Variants in DNM1L observed in about 807,000 individuals in gnomAD.
The protein encoded by DNM1L is dynamin-1-like protein.
A neutral mutation model predicts 92.8 loss-of-function variants in DNM1L; 33 were observed. That is an observed-to-expected ratio of 0.36 (90% CI 0.27 to 0.48). The LOEUF (loss-of-function observed/expected upper bound fraction) is 0.48. DNM1L is among the 20% of genes least tolerant of loss of function. The pLI is 0.99. For missense variants in DNM1L, 485 were observed against 888.8 expected, an observed-to-expected ratio of 0.55 and a Z score of 5.78; for synonymous variants, 284 against 305.0, an observed-to-expected ratio of 0.93 and a Z score of 0.72.
intron 1 of DNM1L, among the ~76,000 whole-genome samples, chr12:32,689,469 A>C (rs1952147750): frequency 6.6e-6 from 1 of 152,204 alleles, no homozygotes; most frequent in Non-Finnish European, 1.5e-5. Flanking sequence ...GATTACAGGC[A>C]TGAGCCACTG....
At chr12:32,691,249 TG>T (rs149822069) in intron 1 of DNM1L, among the ~76,000 whole-genome samples, 1,663 of 152,238 alleles carry the variant, frequency 0.011, 15 homozygotes, top group Non-Finnish European at 0.018. Context: ...CCAGTAGCCT[TG>T]TTTTTTTTAG....
At position 32,722,564 on chromosome 12, in the gene DNM1L, T is replaced by C; in HGVS notation, c.1010T>C (p.Ile337Thr). The C allele has an allele frequency of 6.2e-7, 1 of 1,613,474 alleles. No individual in the cohort carries two copies. The highest frequency in any genetic ancestry group is 8.5e-7 in the Non-Finnish European group (1 of 1,179,968). ...AAAAGTGCTACTTTACTCCAACTTA[T>C]TACCAAATTTGCCACAGAATATTGT... ...DDKSATLLQLITKFATEYCNT... is the reference protein window; with the variant it reads ...DDKSATLLQLTTKFATEYCNT... Residue 337 changes from isoleucine (I) to threonine (T), a missense_variant, in exon 9 of 20, where the codon ATT becomes ACT. Physicochemically the swap from Ile to Thr is moderately conservative, Grantham distance 89 (BLOSUM62 -1). Transcript: ENST00000549701.
At chr12:32,738,116 A>AT in intron 15 of DNM1L, 148 bp from the exon 16 acceptor site, 1 of 1,095,198 alleles carries the variant, frequency 9.1e-7, no homozygotes, top group Non-Finnish European at 1.3e-6. Context: ...CATAGTTTAT[A>AT]TTGTTGACAT....
intron 1 of DNM1L, among the ~76,000 whole-genome samples, chr12:32,695,254 A>G (rs981674917): frequency 6.6e-6 from 1 of 152,216 alleles, no homozygotes; most frequent in Non-Finnish European, 1.5e-5. Context: ...AGTCAACAGT[A>G]TGAAATGATT....
rs756250819 is a variant in DNM1L, at chr12:32,740,361, A to ATT, written c.1885-45_1885-44dup. 9.3e-6 allele frequency: 15 copies of ATT among 1,609,134 alleles called. No individual in the cohort carries two copies. In the East Asian group the frequency reaches 3.3e-4, roughly 36 times the overall value. On this transcript the variant is annotated intron_variant, in intron 17 of 19. Coordinates refer to ENST00000549701, the MANE Select transcript of DNM1L (RefSeq NM_012062.5). ...ATAACTTTCAGATGTTAAAGCTGCCATTTTAGTGTCACAAAAGTAATATTT... is the reference window on the plus strand; with the variant it reads ...ATAACTTTCAGATGTTAAAGCTGCCATTTTTTAGTGTCACAAAAGTAATATTT...
chr12:32,687,582 A>C (rs921584247), intron 1 of DNM1L, among the ~76,000 whole-genome samples: 4 of 152,048 alleles, frequency 2.6e-5, no homozygotes, highest in Non-Finnish European at 4.4e-5. Flanking sequence ...AGCTGAGACT[A>C]CAGTCACCTG....
intron 6 of DNM1L, among the ~76,000 whole-genome samples, chr12:32,715,127 C>G (rs1953306731): frequency 6.9e-6 from 1 of 144,484 alleles, no homozygotes; most frequent in African/African-American, 2.6e-5. Flanking sequence ...GGGTCTCACT[C>G]TGTTGCCCAG....
At chr12:32,734,533 G>A (rs563647735) in intron 13 of DNM1L, among the ~76,000 whole-genome samples, 4 of 152,324 alleles carry the variant, frequency 2.6e-5, no homozygotes, top group Admixed American at 6.5e-5. Flanking sequence ...GTGGCCAGAC[G>A]TGGTGGCTCA....
intron 6 of DNM1L, among the ~76,000 whole-genome samples, chr12:32,716,979 C>G (rs2137397388): frequency 6.9e-6 from 1 of 144,484 alleles, no homozygotes; most frequent in African/African-American, 2.5e-5. Flanking sequence ...AATGACTACA[C>G]CACTCCCACC....
intron 9 of DNM1L, among the ~76,000 whole-genome samples, chr12:32,723,740 A>G: frequency 6.6e-6 from 1 of 151,848 alleles, no homozygotes. Context: ...TAAAGTTCAG[A>G]AAAAGCTGCA....
intron 2 of DNM1L, chr12:32,706,038 G>T: frequency 2.0e-6 from 1 of 500,228 alleles, no homozygotes. Flanking sequence ...CAAAATGCAA[G>T]CTTTTTTGGT....
rs1341254795 is a variant in DNM1L, at chr12:32,743,881, TAG to T, written c.*474_*475del. The T allele has an allele frequency of 1.2e-5, 2 of 164,466 alleles. No homozygotes were observed. The highest frequency in any genetic ancestry group is 5.7e-5 in the Admixed American group (1 of 17,398). The allele number at this position is 164,466 out of a possible 1,614,324, so 10.2% of individuals were successfully genotyped here. ...GATGTGAGTTGGCAAGTTCCTCACA[TAG>T]AGTCATTGTATTCCACCTGTCCTTC... On this transcript the variant is annotated 3_prime_UTR_variant, in exon 20 of 20. Coordinates refer to ENST00000549701, the MANE Select transcript of DNM1L (RefSeq NM_012062.5).
Position 32,707,393 on chromosome 12 carries a change from T to G in DNM1L, c.277T>G (p.Phe93Val), listed in dbSNP as rs773747516. 6.2e-7 allele frequency: 1 copy of G among 1,606,726 alleles called. No individual in the cohort carries two copies. The highest frequency in any genetic ancestry group is 1.7e-5 in the Admixed American group (1 of 59,100). The part of the protein sequence containing the change: ...NGVEAEEWGK[F>V]LHTKNKLYTD... ...GGTGGAAGCAGAAGAATGGGGTAAA[T>G]TTCTTCACACCAAAAATAAGGTAAT... The change falls in exon 3 of 20, where the codon TTT becomes GTT. Residue 93 changes from phenylalanine (F) to valine (V), a missense_variant. This residue lies in a region of DNM1L where 159 missense variants were observed against 275.9 expected (regional missense o/e 0.58). Transcript: ENST00000549701.
In DNM1L at chr12:32,708,142, A is replaced by G; in HGVS notation, c.298-11A>G. On this transcript the variant is annotated splice_polypyrimidine_tract_variant and intron_variant, in intron 3 of 19. Transcript: ENST00000549701. ...TTGAATATTATGCTTTTTTATTTCA[A>G]AAATTTTTAGCTTTACACGGATTTT... is the stretch of plus-strand genomic sequence containing the variant. The G allele has an allele frequency of 6.4e-7, 1 of 1,566,446 alleles. No individual in the cohort carries two copies. The highest frequency in any genetic ancestry group is 8.8e-7 in the Non-Finnish European group (1 of 1,138,660).
intron 9 of DNM1L, chr12:32,728,950 A>ATTATTTT (rs911437397): frequency 7.9e-5 from 12 of 151,486 alleles, no homozygotes; most frequent in South Asian, 2.1e-4. Context: ...CGCCCGGCTA[A>ATTATTTT]TTATTTTTTA....
chr12:32,687,620 A>AT (rs200000821), intron 1 of DNM1L, among the ~76,000 whole-genome samples: 2,145 of 149,966 alleles, frequency 0.014, 46 homozygotes, highest in African/African-American at 0.05. Context: ...TTTTTTTGGT[A>AT]TTTTTTTTTA....
chr12:32,726,266 TA>T lies in DNM1L; in HGVS notation c.1079+3637del. The T allele has an allele frequency of 1.6e-5, 14 of 880,206 alleles. No homozygotes were observed. In the South Asian group the frequency reaches 1.9e-4, roughly 12 times the overall value. The allele number at this position is 880,206 out of a possible 1,614,324, so 54.5% of individuals were successfully genotyped here. ...TTTAAAATATCAGTTTCCTGTCCTT[TA>T]AAACAAAAATTACCCAGTCTACCAA... On this transcript the variant is annotated intron_variant, in intron 9 of 19. Coordinates refer to ENST00000549701, the MANE Select transcript of DNM1L (RefSeq NM_012062.5).
intron 2 of DNM1L, chr12:32,705,689 C>T (rs1952894506): frequency 5.1e-6 from 4 of 777,086 alleles, no homozygotes; most frequent in Admixed American, 2.6e-5. Flanking sequence ...TTACTTTCGT[C>T]AGTAAATTTT....
In DNM1L at chr12:32,740,054, GT is replaced by G. The variant is rs752743840; in HGVS notation, c.1708-4del. On this transcript the variant is annotated splice_polypyrimidine_tract_variant and intron_variant, in intron 16 of 19. Coordinates refer to ENST00000549701, the MANE Select transcript of DNM1L (RefSeq NM_012062.5). Reference sequence around the variant, plus strand: ...ATGTGGTTGGTATGTTTTGGAACATGTTTTTTCAGGTTGCATCTGGAGGTGG... The same window carrying G: ...ATGTGGTTGGTATGTTTTGGAACATGTTTTTCAGGTTGCATCTGGAGGTGG... 5.1e-5 allele frequency: 83 copies of G among 1,614,026 alleles called. No homozygotes were observed. The African/African-American group carries it at 8.5e-4, about 17-fold the overall frequency.
Sources: allele counts gnomAD v4.1 joint callset (sites outside exome capture counted in the v4.1 genomes callset), GRCh38; gene constraint gnomAD v4.1.1; regional missense constraint gnomAD v4.1.1; transcripts MANE v1.5; gene names NCBI Gene and HGNC (gene_info 2026-07-23, HGNC 2026-07-21).